The following NLRP14 variants were observed in gnomAD, a reference collection of about 807,000 sequenced individuals.
The protein encoded by NLRP14 is NACHT, LRR and PYD domains-containing protein 14.
NLRP14 carries 105 observed loss-of-function variants against 94.7 expected under a neutral mutation model. That is an observed-to-expected ratio of 1.11 (90% CI 0.95 to 1.30). The LOEUF is 1.30. Ranked by LOEUF, NLRP14 falls within the 50% of genes most tolerant of loss-of-function variation. The probability of loss-of-function intolerance (pLI) is 0.00; values close to 1 mark genes in which losing one functional copy is unlikely to be tolerated. For missense variants in NLRP14, 1,362 were observed against 1,254.1 expected, an observed-to-expected ratio of 1.09 and a Z score of -1.30; for synonymous variants, 508 against 459.9, an observed-to-expected ratio of 1.10 and a Z score of -1.34.
chr11:7,072,890 C>T (rs1258204048), downstream of NLRP14, among the ~76,000 whole-genome samples: 1 of 152,118 alleles, frequency 6.6e-6, no homozygotes, highest in Non-Finnish European at 1.5e-5. Context: ...GCTCACCTGT[C>T]CTTCACCTGA....
chr11:7,089,739 C>G, the NLRP14 span: 1 of 1,548,554 alleles, frequency 6.5e-7, no homozygotes, highest in Non-Finnish European at 8.7e-7. Context: ...CGACCCCTAC[C>G]TGGGCCCGCG....
intron 10 of NLRP14, among the ~76,000 whole-genome samples, chr11:7,064,946 G>T (rs932750959): frequency 1.3e-5 from 2 of 151,590 alleles, no homozygotes; most frequent in African/African-American, 4.9e-5. Flanking sequence ...CCTTTCCACT[G>T]ACCTGTTTGT....
chr11:7,027,046 A>G (rs1018075261), intron 1 of NLRP14, among the ~76,000 whole-genome samples: 4 of 152,068 alleles, frequency 2.6e-5, no homozygotes, highest in Non-Finnish European at 4.4e-5. Context: ...TACCTGCATC[A>G]GTGCCCCTTT....
In NLRP14 at chr11:7,038,552, T is replaced by C. The variant is rs1422518970; in HGVS notation, c.-21-14T>C. The C allele has an allele frequency of 2.5e-6, 4 of 1,605,896 alleles. No homozygotes were observed. The highest frequency in any genetic ancestry group is 3.4e-6 in the Non-Finnish European group (4 of 1,174,132). On this transcript the variant is annotated splice_polypyrimidine_tract_variant and intron_variant, in intron 1 of 11. Transcript: ENST00000299481. ...TATTCCATGTGCTTTTGGTTATTTT[T>C]TTTCCCCCCACAGAGGCCTGAATAT...
At chr11:7,089,579 G>A in the NLRP14 span, 2 of 1,181,510 alleles carry the variant, frequency 1.7e-6, no homozygotes, top group Non-Finnish European at 1.0e-6. Flanking sequence ...GTGGGCCGCC[G>A]CCGCGCAGGG....
At chr11:7,038,327 G>T (rs1488418255) in intron 1 of NLRP14, among the ~76,000 whole-genome samples, 1 of 152,148 alleles carries the variant, frequency 6.6e-6, no homozygotes, top group Non-Finnish European at 1.5e-5. Flanking sequence ...TAAGTGGTAG[G>T]ACTGGGAACA....
the NLRP14 span, among the ~76,000 whole-genome samples, chr11:7,083,683 C>T: frequency 6.6e-6 from 1 of 152,184 alleles, no homozygotes; most frequent in Non-Finnish European, 1.5e-5. Context: ...GTCTAGAGTT[C>T]ATCCATCTTT....
downstream of NLRP14, among the ~76,000 whole-genome samples, chr11:7,071,687 G>A (rs916250121): frequency 4.0e-5 from 6 of 150,340 alleles, no homozygotes; most frequent in Non-Finnish European, 8.9e-5. Flanking sequence ...TCTCTGGCAC[G>A]TTTTATTAAA....
downstream of NLRP14, among the ~76,000 whole-genome samples, chr11:7,073,851 T>C (rs1411387036): frequency 1.3e-5 from 2 of 152,208 alleles, no homozygotes; most frequent in African/African-American, 2.4e-5. Context: ...ACCAGGGAGC[T>C]CTCTGAATCC....
chr11:7,021,207 C>T (rs1447311739), intron 1 of NLRP14, among the ~76,000 whole-genome samples: 2 of 152,128 alleles, frequency 1.3e-5, no homozygotes, highest in Non-Finnish European at 2.9e-5. Flanking sequence ...GCTTAATAGG[C>T]GTAATATTGA....
the NLRP14 span, among the ~76,000 whole-genome samples, chr11:7,076,765 C>A: frequency 4.6e-5 from 7 of 152,020 alleles, no homozygotes; most frequent in Admixed American, 2.0e-4. Flanking sequence ...AATGTAAGTT[C>A]TATGAGAACA....
downstream of NLRP14, among the ~76,000 whole-genome samples, chr11:7,072,315 C>T (rs1454441867): frequency 6.6e-6 from 1 of 152,236 alleles, no homozygotes; most frequent in Non-Finnish European, 1.5e-5. Context: ...TGGGATGAGC[C>T]AGACCCCTTT....
chr11:7,043,654 A>G lies in NLRP14; in HGVS notation c.1628A>G (p.Gln543Arg), dbSNP rs1175924771. The stretch of plus-strand genomic sequence containing the variant: ...CTTTTGAATGAAGATCGAGTAAAAC[A>G]ACTGGAGAGGACTTTTAACTGTAAA... ...FGLLNEDRVK[Q>R]LERTFNCKMS... is the part of the protein sequence containing the mutation. The change falls in exon 4 of 12, where the codon CAA becomes CGA. Residue 543 changes from glutamine (Q) to arginine (R), a missense_variant. Gln to Arg is a conservative substitution (Grantham distance 43). Transcript: ENST00000299481. 1.7e-5 allele frequency: 28 copies of G among 1,614,034 alleles called. No homozygotes were observed. The highest frequency in any genetic ancestry group is 2.3e-5 in the Non-Finnish European group (27 of 1,179,988).
intron 10 of NLRP14, among the ~76,000 whole-genome samples, chr11:7,069,225 A>T (rs1236363290): frequency 6.6e-6 from 1 of 152,164 alleles, no homozygotes; most frequent in Non-Finnish European, 1.5e-5. Context: ...ATTTTGTGTG[A>T]TATTTACATA....
chr11:7,046,737 A>G lies in NLRP14; in HGVS notation c.2028A>G (p.Arg676=), dbSNP rs756833690. 1 of 1,613,348 alleles carries G rather than the reference A, an allele frequency of 6.2e-7. No individual in the cohort carries two copies. The highest frequency in any genetic ancestry group is 2.2e-5 in the East Asian group (1 of 44,900). The change falls in exon 5 of 12, where the codon AGA becomes AGG. Residue 676 remains arginine (R), a synonymous_variant. Transcript: ENST00000299481. ...TGCTTCATACAAATGAACACTTGAG[A>G]GAATTGGACCTGTACCATAGCAACC... The part of the protein sequence containing the change: ...CSVLHTNEHL[R]ELDLYHSNLD...
At chr11:7,088,638 A>T in the NLRP14 span, among the ~76,000 whole-genome samples, 1 of 152,094 alleles carries the variant, frequency 6.6e-6, no homozygotes, top group Non-Finnish European at 1.5e-5. Flanking sequence ...GTTAACTGTT[A>T]TTACTCTATT....
the NLRP14 span, among the ~76,000 whole-genome samples, chr11:7,084,825 A>G: frequency 3.3e-5 from 5 of 152,226 alleles, no homozygotes; most frequent in Admixed American, 2.6e-4. Context: ...CAAGTCGGAT[A>G]AGCAGTGTAG....
chr11:7,035,685 C>T (rs1020473593), intron 1 of NLRP14, among the ~76,000 whole-genome samples: 5 of 152,168 alleles, frequency 3.3e-5, no homozygotes, highest in African/African-American at 1.2e-4. Context: ...TCTTACCTCC[C>T]TGAGACCTCC....
At chr11:7,055,676 A>T (rs1362291912) in intron 6 of NLRP14, among the ~76,000 whole-genome samples, 2 of 152,040 alleles carry the variant, frequency 1.3e-5, no homozygotes, top group Non-Finnish European at 2.9e-5. Context: ...ATCCGTTAAA[A>T]TCCTACCCTG....
Sources: gnomAD v4.1 joint callset for allele counts (sites outside exome capture counted in the v4.1 genomes callset) on GRCh38, gnomAD v4.1.1 for gene constraint, MANE v1.5 for transcripts, NCBI Gene and HGNC (gene_info 2026-07-23, HGNC 2026-07-21) for gene names.